FGGY: variants seen among roughly 807,000 people sequenced by gnomAD.
The protein encoded by FGGY is FGGY carbohydrate kinase domain containing.
In FGGY, 72 loss-of-function variants were observed where a neutral mutation model predicts 71.3. That is an observed-to-expected ratio of 1.01 (90% CI 0.84 to 1.23). The LOEUF (loss-of-function observed/expected upper bound fraction) is 1.23. Ranked by LOEUF, FGGY falls within the 50% of genes most tolerant of loss-of-function variation. The pLI is 0.00. For synonymous variants in FGGY, 251 were observed against 250.3 expected, an observed-to-expected ratio of 1.00 and a Z score of -0.02; for missense variants, 668 against 682.3, an observed-to-expected ratio of 0.98 and a Z score of 0.23.
chr1:59,485,994 T>G (rs2093647320), intron 6 of FGGY, among the ~76,000 whole-genome samples: 1 of 152,212 alleles, frequency 6.6e-6, no homozygotes, highest in Non-Finnish European at 1.5e-5. Context: ...CTTTTCCCTA[T>G]GTAGGATACC....
chr1:59,683,942 A>C (rs1328423362), intron 14 of FGGY, among the ~76,000 whole-genome samples: 1 of 152,130 alleles, frequency 6.6e-6, no homozygotes, highest in Non-Finnish European at 1.5e-5. Context: ...ACCAGGATGC[A>C]TTTTCTGCTC....
chr1:59,349,170 C>A (rs565655108), intron 4 of FGGY, among the ~76,000 whole-genome samples: 1 of 152,130 alleles, frequency 6.6e-6, no homozygotes, highest in African/African-American at 2.4e-5. Context: ...GAATTTAAAT[C>A]CATGTCTGCT....
chr1:59,535,212 A>G (rs2095280144), intron 7 of FGGY, among the ~76,000 whole-genome samples: 1 of 151,848 alleles, frequency 6.6e-6, no homozygotes. Context: ...CTTTAAACCA[A>G]CAAAGATCAA....
intron 2 of FGGY, among the ~76,000 whole-genome samples, chr1:59,338,491 T>G (rs1206680449): frequency 3.3e-5 from 5 of 152,168 alleles, no homozygotes; most frequent in Non-Finnish European, 7.4e-5. Flanking sequence ...GTGGGAATGT[T>G]TTAAGCACAA....
At chr1:59,513,787 G>A (rs150835264) in intron 7 of FGGY, among the ~76,000 whole-genome samples, 257 of 152,226 alleles carry the variant, frequency 1.7e-3, no homozygotes, top group African/African-American at 5.9e-3. Context: ...AGGTGAAATG[G>A]CTTTAAACAG....
chr1:59,327,040 G>C (rs929516583), intron 2 of FGGY, among the ~76,000 whole-genome samples: 4 of 152,200 alleles, frequency 2.6e-5, no homozygotes, highest in African/African-American at 9.6e-5. Context: ...CTGGTGGAGG[G>C]TTTTACCTTG....
At chr1:59,346,110 C>T in intron 3 of FGGY, 137 bp from the exon 4 acceptor site, 1 of 1,137,890 alleles carries the variant, frequency 8.8e-7, no homozygotes. Context: ...TGCTGGTGTC[C>T]TTTCATTTTG....
chr1:59,444,814 A>G (rs184400110), intron 5 of FGGY, among the ~76,000 whole-genome samples: 19 of 152,132 alleles, frequency 1.2e-4, no homozygotes, highest in African/African-American at 4.6e-4. Context: ...ACCCCCACCC[A>G]TGGAAAAATT....
chr1:59,691,717 ATTC>A (rs1340528108), intron 14 of FGGY, among the ~76,000 whole-genome samples: 1 of 149,306 alleles, frequency 6.7e-6, no homozygotes, highest in African/African-American at 2.5e-5. Context: ...ACCAGTTTGA[ATTC>A]TTCTTGGTAC....
At chr1:59,476,597 G>A (rs2093277126) in intron 6 of FGGY, among the ~76,000 whole-genome samples, 1 of 152,250 alleles carries the variant, frequency 6.6e-6, no homozygotes, top group Admixed American at 6.5e-5. Flanking sequence ...TCACATTCAT[G>A]AAGACCACTG....
At chr1:59,414,913 G>A (rs575332739) in intron 5 of FGGY, among the ~76,000 whole-genome samples, 1 of 152,352 alleles carries the variant, frequency 6.6e-6, no homozygotes, top group East Asian at 1.9e-4. Context: ...TTACAAGGCA[G>A]GGTGGAGAAA....
intron 9 of FGGY, among the ~76,000 whole-genome samples, chr1:59,608,772 G>C (rs1026439051): frequency 6.6e-6 from 1 of 152,118 alleles, no homozygotes; most frequent in Non-Finnish European, 1.5e-5. Flanking sequence ...GGGAGGCACA[G>C]ATTACAGTGA....
chr1:59,461,134 G>C (rs2092170292), intron 6 of FGGY, among the ~76,000 whole-genome samples: 1 of 152,148 alleles, frequency 6.6e-6, no homozygotes, highest in Admixed American at 6.5e-5. Flanking sequence ...AGCTAAAGGA[G>C]GATATTCAAC....
chr1:59,480,420 G>A (rs1217116396), intron 6 of FGGY, among the ~76,000 whole-genome samples: 2 of 152,084 alleles, frequency 1.3e-5, no homozygotes, highest in African/African-American at 4.8e-5. Context: ...AAGGACAAAG[G>A]GCAAAAGTAT....
chr1:59,753,550 A>G (rs1196938662), intron 14 of FGGY, among the ~76,000 whole-genome samples: 1 of 144,038 alleles, frequency 6.9e-6, no homozygotes, highest in Non-Finnish European at 1.5e-5. Context: ...CAAAATTAAT[A>G]TATGCCACTG....
chr1:59,559,505 T>G (rs1408263599), intron 8 of FGGY, among the ~76,000 whole-genome samples: 1 of 152,196 alleles, frequency 6.6e-6, no homozygotes, highest in African/African-American at 2.4e-5. Flanking sequence ...CACATATTTA[T>G]TTCCTGGCTC....
intron 6 of FGGY, among the ~76,000 whole-genome samples, chr1:59,465,208 T>C (rs948110310): frequency 6.6e-6 from 1 of 152,194 alleles, no homozygotes; most frequent in African/African-American, 2.4e-5. Context: ...CGGTTCCACA[T>C]ATGCAAATTA....
chr1:59,404,177 G>T (rs1334510364), intron 5 of FGGY, among the ~76,000 whole-genome samples: 1 of 151,920 alleles, frequency 6.6e-6, no homozygotes, highest in East Asian at 1.9e-4. Flanking sequence ...ATACCTTTGG[G>T]AGGGGAACAA....
chr1:59,668,340 G>C (rs2097343971), intron 13 of FGGY, among the ~76,000 whole-genome samples: 1 of 152,162 alleles, frequency 6.6e-6, no homozygotes. Context: ...TGGGTGGCCA[G>C]GTACCACCAG....
Sources: gnomAD v4.1 joint callset for allele counts (sites outside exome capture counted in the v4.1 genomes callset) on GRCh38, gnomAD v4.1.1 for gene constraint, MANE v1.5 for transcripts, NCBI Gene and HGNC (gene_info 2026-07-23, HGNC 2026-07-21) for gene names.